ZDHHC21: variants seen among roughly 807,000 people sequenced by gnomAD.
ZDHHC21 encodes the protein palmitoyltransferase ZDHHC21.
Under a neutral mutation model 34.6 loss-of-function variants are expected in ZDHHC21, and 15 were observed. That is an observed-to-expected ratio of 0.43 (90% CI 0.29 to 0.67). The LOEUF (loss-of-function observed/expected upper bound fraction) is 0.67. Among genes scored for constraint, ZDHHC21 ranks in the 30% least tolerant of loss-of-function variants. ZDHHC21 has a pLI of 0.14. For missense variants in ZDHHC21, 344 were observed against 327.7 expected, an observed-to-expected ratio of 1.05 and a Z score of -0.38; for synonymous variants, 142 against 101.8, an observed-to-expected ratio of 1.40 and a Z score of -2.38.
chr9:14,594,050 T>C, the ZDHHC21 span: 3 of 152,256 alleles, frequency 2.0e-5, no homozygotes, highest in African/African-American at 7.2e-5. Flanking sequence ...AAGAAATGGA[T>C]AGCCCTCAAG....
intron 2 of ZDHHC21, among the ~76,000 whole-genome samples, chr9:14,681,037 A>T (rs573457867): frequency 6.6e-6 from 1 of 152,206 alleles, no homozygotes; most frequent in Non-Finnish European, 1.5e-5. Context: ...AAATCTGAGT[A>T]AACTGAAATA....
the ZDHHC21 span, among the ~76,000 whole-genome samples, chr9:14,596,174 T>C: frequency 2.0e-5 from 3 of 152,230 alleles, no homozygotes; most frequent in Non-Finnish European, 4.4e-5. Context: ...CAAATGTTTA[T>C]AGTAAATGAA....
At chr9:14,650,416 C>T (rs2133827067) in intron 7 of ZDHHC21, among the ~76,000 whole-genome samples, 1 of 151,952 alleles carries the variant, frequency 6.6e-6, no homozygotes, top group Non-Finnish European at 1.5e-5. Context: ...TGACTCTTGG[C>T]TATTCTTTCC....
At chr9:14,683,377 A>G (rs1054842954) in intron 2 of ZDHHC21, among the ~76,000 whole-genome samples, 3 of 152,128 alleles carry the variant, frequency 2.0e-5, no homozygotes, top group African/African-American at 7.2e-5. Flanking sequence ...TATCACCACC[A>G]ATCCCACAGA....
chr9:14,644,080 G>A (rs1169186331), intron 7 of ZDHHC21, among the ~76,000 whole-genome samples: 3 of 152,008 alleles, frequency 2.0e-5, no homozygotes, highest in African/African-American at 4.8e-5. Context: ...ATTACCTTTC[G>A]TTAAGTTTCT....
chr9:14,679,574 A>C (rs1181954048), intron 3 of ZDHHC21, among the ~76,000 whole-genome samples: 1 of 152,150 alleles, frequency 6.6e-6, no homozygotes, highest in Non-Finnish European at 1.5e-5. Flanking sequence ...GAAGGCTTTC[A>C]AATATTTATG....
intron 2 of ZDHHC21, among the ~76,000 whole-genome samples, chr9:14,682,266 A>C (rs897147305): frequency 2.0e-5 from 3 of 152,136 alleles, no homozygotes; most frequent in Non-Finnish European, 4.4e-5. Flanking sequence ...AAGAGTCAAG[A>C]CCCATCAGTG....
intron 6 of ZDHHC21, among the ~76,000 whole-genome samples, chr9:14,660,467 T>C (rs896791672): frequency 1.3e-5 from 2 of 151,912 alleles, no homozygotes; most frequent in African/African-American, 4.8e-5. Flanking sequence ...AAAAATGTCT[T>C]AGGCAGTTAA....
Position 14,669,212 on chromosome 9 carries a change from C to G in ZDHHC21, c.253+3618G>C, listed in dbSNP as rs201489042. ...GCGAAGGACATGAACAGACACTTCT[C>G]AAAAGAAGACATTTATGCAGCCAAA... is the stretch of plus-strand genomic sequence containing the variant. On this transcript the variant is annotated intron_variant, in intron 5 of 9. Transcript: ENST00000380916. Among the ~76,000 whole-genome samples, 3 of 137,464 alleles carry G rather than the reference C, an allele frequency of 2.2e-5. No individual in the cohort carries two copies. The East Asian group carries it at 6.7e-4, about 31-fold the overall frequency. The allele number at this position is 137,464 out of a possible 152,430, so 90.2% of individuals were successfully genotyped here. A position where few individuals can be genotyped will look rare whatever the true frequency, so the allele number is the denominator to read the frequency against.
At chr9:14,590,402 G>C in the ZDHHC21 span, among the ~76,000 whole-genome samples, 1 of 151,884 alleles carries the variant, frequency 6.6e-6, no homozygotes, top group African/African-American at 2.4e-5. Context: ...GAAAATAATA[G>C]ACTCAAATTT....
intron 7 of ZDHHC21, among the ~76,000 whole-genome samples, chr9:14,648,291 T>C (rs1830623127): frequency 6.7e-6 from 1 of 150,110 alleles, no homozygotes; most frequent in Non-Finnish European, 1.5e-5. Context: ...CTATTATCCT[T>C]GTCCTTTATT....
chr9:14,611,184 T>C lies in ZDHHC21; in HGVS notation c.*7782A>G, dbSNP rs147186284. The stretch of plus-strand genomic sequence containing the variant: ...AATTAAAAACAATCTGCAAAGAAAA[T>C]AGAAATATTACGTGAAAAAAACTAA... On this transcript the variant is annotated 3_prime_UTR_variant, in exon 10 of 10. Transcript: ENST00000380916. The C allele has an allele frequency of 3.1e-4, 47 of 151,814 alleles. No individual in the cohort carries two copies. In the East Asian group the frequency reaches 7.4e-3, roughly 24 times the overall value. The allele number at this position is 151,814 out of a possible 1,614,324, so 9.4% of individuals were successfully genotyped here.
the ZDHHC21 span, among the ~76,000 whole-genome samples, chr9:14,599,087 A>T: frequency 1.3e-5 from 2 of 152,322 alleles, no homozygotes; most frequent in East Asian, 3.9e-4. Context: ...TAACGAAGAG[A>T]TAAACATAAA....
At chr9:14,686,060 TG>T (rs1838266110) in intron 2 of ZDHHC21, among the ~76,000 whole-genome samples, 1 of 118,880 alleles carries the variant, frequency 8.4e-6, no homozygotes. Flanking sequence ...TGTCGTGGGG[TG>T]GGGGAGGGGG....
At chr9:14,643,563 T>C (rs929724519) in intron 7 of ZDHHC21, among the ~76,000 whole-genome samples, 10 of 152,238 alleles carry the variant, frequency 6.6e-5, no homozygotes, top group African/African-American at 2.2e-4. Flanking sequence ...GTGCTTTTTA[T>C]ATCCTATTTA....
rs1465298543 is a variant in ZDHHC21, at chr9:14,641,911, T to TA, written c.505-1900dup. 2.0e-5 allele frequency among the ~76,000 whole-genome samples: 3 copies of TA among 152,224 alleles called. No homozygotes were observed. In the East Asian group the frequency reaches 5.8e-4, roughly 29 times the overall value. ...TTCGGAGTGGTAAGCCCTGTGGTTT[T>TA]AATGCACGGTTTTACACAGTGAGGT... On this transcript the variant is annotated intron_variant, in intron 7 of 9. Coordinates refer to ENST00000380916, the MANE Select transcript of ZDHHC21 (RefSeq NM_178566.6).
chr9:14,685,919 G>C (rs537817515), intron 2 of ZDHHC21, among the ~76,000 whole-genome samples: 109 of 152,226 alleles, frequency 7.2e-4, no homozygotes, highest in African/African-American at 2.4e-3. Context: ...CACGGATGAA[G>C]CCTGAAACCA....
At chr9:14,663,488 T>A (rs2133959670) in intron 5 of ZDHHC21, among the ~76,000 whole-genome samples, 1 of 145,014 alleles carries the variant, frequency 6.9e-6, no homozygotes, top group South Asian at 2.4e-4. Flanking sequence ...TTTTTCAGAT[T>A]ACAGATTTTT....
chr9:14,634,217 C>T (rs566904030), intron 8 of ZDHHC21, among the ~76,000 whole-genome samples: 1 of 152,344 alleles, frequency 6.6e-6, no homozygotes, highest in East Asian at 1.9e-4. Flanking sequence ...CTGGCCCACC[C>T]AGCCCATTGC....
Sources: gnomAD v4.1 joint callset for allele counts (sites outside exome capture counted in the v4.1 genomes callset) on GRCh38, gnomAD v4.1.1 for gene constraint, MANE v1.5 for transcripts, NCBI Gene and HGNC (gene_info 2026-07-23, HGNC 2026-07-21) for gene names.